ATP2B2: variants seen among roughly 807,000 people sequenced by gnomAD.
ATP2B2 encodes ATPase plasma membrane Ca2+ transporting 2, also known as plasma membrane calcium-transporting ATPase 2.
A neutral mutation model predicts 120.0 loss-of-function variants in ATP2B2; 15 were observed. The ratio of observed to expected loss-of-function variants is 0.12; its 90% CI spans 0.08 to 0.19. The LOEUF (loss-of-function observed/expected upper bound fraction) is 0.19, where lower values mean the gene tolerates loss of function less well. Among genes scored for constraint, ATP2B2 ranks in the 10% least tolerant of loss-of-function variants. The pLI is 1.00. For synonymous variants in ATP2B2, 694 were observed against 700.3 expected, an observed-to-expected ratio of 0.99 and a Z score of 0.14; for missense variants, 1,045 against 1,719.8, an observed-to-expected ratio of 0.61 and a Z score of 6.94.
At chr3:10,624,453 G>C (rs1244719382) in intron 1 of ATP2B2, among the ~76,000 whole-genome samples, 1 of 152,168 alleles carries the variant, frequency 6.6e-6, no homozygotes, top group Non-Finnish European at 1.5e-5. Flanking sequence ...GCCTGTGGTG[G>C]CCATACGCTC....
intron 1 of ATP2B2, among the ~76,000 whole-genome samples, chr3:10,504,915 G>T (rs538019118): frequency 5.3e-5 from 8 of 152,110 alleles, no homozygotes; most frequent in African/African-American, 1.9e-4. Flanking sequence ...GACCCGGCTG[G>T]CCTGACCCAA....
chr3:10,326,460 G>A lies in ATP2B2; in HGVS notation c.*2354C>T, dbSNP rs572088509. On this transcript the variant is annotated 3_prime_UTR_variant, in exon 23 of 23. Coordinates refer to ENST00000360273, the MANE Select transcript of ATP2B2 (RefSeq NM_001001331.4). ...GGTGTGCAAACACAGCTATCCTGAT[G>A]TCATGGAACGAGGTCACGGACACAT... 1 of 362,906 alleles carries A rather than the reference G, an allele frequency of 2.8e-6. No individual in the cohort carries two copies. 22.5% of individuals were successfully genotyped at this position (362,906 alleles called of 1,614,324 possible). A position where few individuals can be genotyped will look rare whatever the true frequency, so the allele number is the denominator to read the frequency against.
intron 2 of ATP2B2, among the ~76,000 whole-genome samples, chr3:10,611,393 T>A (rs2125608695): frequency 6.6e-6 from 1 of 152,196 alleles, no homozygotes; most frequent in South Asian, 2.1e-4. Context: ...TGTGGGAAAG[T>A]ATTGGCAAAG....
chr3:10,493,847 G>C (rs969817036), intron 1 of ATP2B2, among the ~76,000 whole-genome samples: 26 of 152,210 alleles, frequency 1.7e-4, no homozygotes, highest in Non-Finnish European at 2.9e-4. Context: ...GCCCTCAGAA[G>C]GGGGAGACCC....
At chr3:10,617,807 C>T (rs6803302) in intron 2 of ATP2B2, among the ~76,000 whole-genome samples, 176 of 152,300 alleles carry the variant, frequency 1.2e-3, no homozygotes, top group African/African-American at 4.0e-3. Context: ...GTGTGCAGGA[C>T]CAGGAAGACG....
At chr3:10,563,824 C>T (rs146275256) in intron 2 of ATP2B2, among the ~76,000 whole-genome samples, 69 of 152,322 alleles carry the variant, frequency 4.5e-4, no homozygotes, top group Non-Finnish European at 7.1e-4. Flanking sequence ...GAAGAGGAAA[C>T]TGAAGCCCAG....
chr3:10,547,717 T>TCCATGC (rs2125506385), intron 2 of ATP2B2, among the ~76,000 whole-genome samples: 1 of 152,300 alleles, frequency 6.6e-6, no homozygotes, highest in South Asian at 2.1e-4. Context: ...TTCTGAATAT[T>TCCATGC]AGTCCTCAGG....
intron 1 of ATP2B2, among the ~76,000 whole-genome samples, chr3:10,621,741 C>A (rs949319302): frequency 5.9e-5 from 9 of 152,244 alleles, no homozygotes; most frequent in Admixed American, 3.3e-4. Context: ...GCATTTACTC[C>A]TCATTCCAAC....
At chr3:10,473,338 C>T (rs976059373) in intron 1 of ATP2B2, among the ~76,000 whole-genome samples, 2 of 152,216 alleles carry the variant, frequency 1.3e-5, no homozygotes, top group African/African-American at 4.8e-5. Flanking sequence ...CTGAAAAGTG[C>T]TATGAAGAGC....
At chr3:10,578,349 C>G (rs911697498) in intron 2 of ATP2B2, among the ~76,000 whole-genome samples, 1 of 151,318 alleles carries the variant, frequency 6.6e-6, no homozygotes, top group Non-Finnish European at 1.5e-5. Context: ...TCGAGATCAT[C>G]CTGGCTAACA....
intron 1 of ATP2B2, among the ~76,000 whole-genome samples, chr3:10,698,980 G>C (rs1372741368): frequency 6.6e-6 from 1 of 152,198 alleles, no homozygotes; most frequent in African/African-American, 2.4e-5. Context: ...GTCTTCTAAA[G>C]CCCTACGGGC....
intron 3 of ATP2B2, among the ~76,000 whole-genome samples, chr3:10,407,963 A>G (rs1378214477): frequency 2.0e-5 from 3 of 152,180 alleles, no homozygotes; most frequent in African/African-American, 7.2e-5. Context: ...AGGCAGATCC[A>G]GGCCCTGTGC....
At chr3:10,559,617 AG>A (rs1374755291) in intron 2 of ATP2B2, among the ~76,000 whole-genome samples, 1 of 152,172 alleles carries the variant, frequency 6.6e-6, no homozygotes, top group Non-Finnish European at 1.5e-5. Flanking sequence ...GATGTGCTCA[AG>A]GTCACCCAGC....
At chr3:10,330,620 GT>G (rs2059953692) in intron 22 of ATP2B2, among the ~76,000 whole-genome samples, 3 of 152,284 alleles carry the variant, frequency 2.0e-5, no homozygotes, top group Admixed American at 6.5e-5. Flanking sequence ...CTGCAGAGCA[GT>G]GGCTGCCCTG....
intron 2 of ATP2B2, among the ~76,000 whole-genome samples, chr3:10,412,813 T>C (rs2062656781): frequency 6.6e-6 from 1 of 152,124 alleles, no homozygotes; most frequent in Non-Finnish European, 1.5e-5. Context: ...GTGTGCAGCC[T>C]GGCCCAAACA....
chr3:10,401,184 G>A, intron 4 of ATP2B2, 106 bp from the exon 5 acceptor site: 1 of 1,453,980 alleles, frequency 6.9e-7, no homozygotes. Flanking sequence ...ATCAGGGACA[G>A]AATGCCTAGA....
chr3:10,447,294 C>A (rs968168017), intron 2 of ATP2B2, among the ~76,000 whole-genome samples: 1 of 152,244 alleles, frequency 6.6e-6, no homozygotes, highest in African/African-American at 2.4e-5. Context: ...AATACTCCCT[C>A]TAGCAGTACA....
intron 1 of ATP2B2, among the ~76,000 whole-genome samples, chr3:10,470,919 C>T (rs1037385734): frequency 1.3e-5 from 2 of 152,310 alleles, no homozygotes; most frequent in East Asian, 3.9e-4. Flanking sequence ...ACATCGGATA[C>T]TGACCTGGGA....
intron 13 of ATP2B2, 131 bp downstream of exon 13, chr3:10,359,751 T>C (rs2060841954): frequency 7.4e-7 from 1 of 1,350,706 alleles, no homozygotes; most frequent in Non-Finnish European, 1.0e-6. Context: ...CTCTGGGTGC[T>C]AGACGGCCAC....
Sources: allele counts gnomAD v4.1 joint callset (sites outside exome capture counted in the v4.1 genomes callset), GRCh38; gene constraint gnomAD v4.1.1; transcripts MANE v1.5; gene names NCBI Gene and HGNC (gene_info 2026-07-23, HGNC 2026-07-21).